The following KATNIP variants were observed in gnomAD, a reference collection of about 807,000 sequenced individuals.
The protein encoded by KATNIP is katanin-interacting protein.
In KATNIP, 126 loss-of-function variants were observed where a neutral mutation model predicts 174.0. The observed-to-expected ratio is 0.72, with a 90% CI of 0.63 to 0.84. The LOEUF (loss-of-function observed/expected upper bound fraction) is 0.84. Ranked by LOEUF, KATNIP falls within the 40% of genes least tolerant of loss-of-function variation. KATNIP has a pLI of 0.00. For synonymous variants in KATNIP, 810 were observed against 835.7 expected, an observed-to-expected ratio of 0.97 and a Z score of 0.53; for missense variants, 1,958 against 2,109.7, an observed-to-expected ratio of 0.93 and a Z score of 1.41.
chr16:27,641,849 T>C (rs2076809813), intron 5 of KATNIP, among the ~76,000 whole-genome samples: 1 of 152,162 alleles, frequency 6.6e-6, no homozygotes, highest in Non-Finnish European at 1.5e-5. Flanking sequence ...CAGGCCCCCT[T>C]TTTCTGGACA....
At chr16:27,575,009 A>G (rs1426565469) in intron 2 of KATNIP, among the ~76,000 whole-genome samples, 2 of 152,218 alleles carry the variant, frequency 1.3e-5, no homozygotes, top group African/African-American at 2.4e-5. Flanking sequence ...ACTCTGTGCC[A>G]GGCACCAGGG....
intron 2 of KATNIP, among the ~76,000 whole-genome samples, chr16:27,582,351 C>T (rs1486168777): frequency 6.6e-6 from 1 of 152,218 alleles, no homozygotes; most frequent in Non-Finnish European, 1.5e-5. Flanking sequence ...TGACAGCTGA[C>T]ATTCCAACTC....
intron 2 of KATNIP, among the ~76,000 whole-genome samples, chr16:27,601,216 GAC>G (rs1457958863): frequency 3.3e-5 from 5 of 152,108 alleles, no homozygotes; most frequent in African/African-American, 1.2e-4. Flanking sequence ...GGAACTGGGA[GAC>G]ACAGCAGTGA....
At chr16:27,583,149 G>T (rs984508867) in intron 2 of KATNIP, among the ~76,000 whole-genome samples, 2 of 152,192 alleles carry the variant, frequency 1.3e-5, no homozygotes, top group African/African-American at 2.4e-5. Flanking sequence ...TGCCAGGAAG[G>T]AGATTGACAT....
chr16:27,696,345 T>G (rs561045809), intron 8 of KATNIP, among the ~76,000 whole-genome samples: 1 of 152,262 alleles, frequency 6.6e-6, no homozygotes, highest in Non-Finnish European at 1.5e-5. Context: ...TTTATTTTTA[T>G]TTTTTTAACT....
chr16:27,640,444 C>T (rs964348623), intron 5 of KATNIP, among the ~76,000 whole-genome samples: 3 of 152,152 alleles, frequency 2.0e-5, no homozygotes, highest in East Asian at 1.9e-4. Context: ...GTGAGCCTTC[C>T]GTGTGGGCAG....
chr16:27,661,622 A>G (rs914517657), intron 6 of KATNIP, among the ~76,000 whole-genome samples: 3 of 151,420 alleles, frequency 2.0e-5, no homozygotes, highest in African/African-American at 7.3e-5. Flanking sequence ...CGAACTCCTG[A>G]CCTCAGGTGA....
At chr16:27,750,341 C>A in intron 16 of KATNIP, 35 bp downstream of exon 16, 1 of 1,569,702 alleles carries the variant, frequency 6.4e-7, no homozygotes, top group Non-Finnish European at 8.6e-7. Context: ...CTCAGAGCCC[C>A]TATCTGTGAC....
At chr16:27,562,629 T>C (rs2089927978) in intron 1 of KATNIP, among the ~76,000 whole-genome samples, 1 of 152,112 alleles carries the variant, frequency 6.6e-6, no homozygotes, top group South Asian at 2.1e-4. Context: ...TCATACACTA[T>C]GGGGAACTGG....
At chr16:27,688,802 C>G (rs374421596) in intron 8 of KATNIP, among the ~76,000 whole-genome samples, 67 of 152,296 alleles carry the variant, frequency 4.4e-4, no homozygotes, top group African/African-American at 1.6e-3. Flanking sequence ...CCCAGTGGCT[C>G]CAGGCTTCCT....
intron 3 of KATNIP, among the ~76,000 whole-genome samples, chr16:27,628,259 C>T (rs1473522890): frequency 6.6e-6 from 1 of 152,218 alleles, no homozygotes; most frequent in East Asian, 1.9e-4. Flanking sequence ...TTTTGTTACA[C>T]ATCAAACAAA....
intron 2 of KATNIP, among the ~76,000 whole-genome samples, chr16:27,575,759 A>C (rs756950): frequency 1.3e-5 from 2 of 152,042 alleles, no homozygotes; most frequent in African/African-American, 4.8e-5. Flanking sequence ...GCCAGTTTGC[A>C]TTTTCTTTTT....
At chr16:27,774,163 G>A (rs1177915361) in intron 23 of KATNIP, among the ~76,000 whole-genome samples, 4 of 152,270 alleles carry the variant, frequency 2.6e-5, no homozygotes, top group Admixed American at 2.6e-4. Flanking sequence ...CCCAAAGCCT[G>A]CCTTGCATCT....
At chr16:27,659,832 G>T (rs2077412687) in intron 6 of KATNIP, among the ~76,000 whole-genome samples, 1 of 152,204 alleles carries the variant, frequency 6.6e-6, no homozygotes, top group Admixed American at 6.5e-5. Flanking sequence ...GCCAGCTTCA[G>T]CTCACAGATG....
intron 14 of KATNIP, among the ~76,000 whole-genome samples, chr16:27,731,251 A>G (rs898073979): frequency 6.6e-6 from 1 of 152,126 alleles, no homozygotes; most frequent in Non-Finnish European, 1.5e-5. Context: ...GGCTCCTCCT[A>G]TGGCTGCTGC....
At chr16:27,632,975 C>G (rs546411257) in intron 5 of KATNIP, among the ~76,000 whole-genome samples, 2 of 152,200 alleles carry the variant, frequency 1.3e-5, no homozygotes, top group Non-Finnish European at 2.9e-5. Flanking sequence ...GTCTCGAACT[C>G]CTGACCTCAG....
At chr16:27,632,501 A>C (rs2076520033) in intron 5 of KATNIP, 1 of 424,902 alleles carries the variant, frequency 2.4e-6, no homozygotes, top group South Asian at 1.6e-5. Context: ...CATTAGCAGG[A>C]TCTGAGGGTG....
intron 2 of KATNIP, among the ~76,000 whole-genome samples, chr16:27,579,231 A>G (rs2090605114): frequency 2.0e-5 from 3 of 152,152 alleles, no homozygotes; most frequent in Admixed American, 2.0e-4. Flanking sequence ...CGCTGGGGAC[A>G]TGTCCCCTTA....
At chr16:27,704,128 C>A (rs967431891) in intron 12 of KATNIP, 130 bp downstream of exon 12, 7 of 692,536 alleles carry the variant, frequency 1.0e-5, no homozygotes, top group African/African-American at 1.8e-5. Flanking sequence ...CACCGCCCCC[C>A]CCCTCCCTGG....
Sources: gnomAD v4.1 joint callset for allele counts (sites outside exome capture counted in the v4.1 genomes callset) on GRCh38, gnomAD v4.1.1 for gene constraint, MANE v1.5 for transcripts, NCBI Gene and HGNC (gene_info 2026-07-23, HGNC 2026-07-21) for gene names.